DPP10: variants seen among roughly 807,000 people sequenced by gnomAD.
DPP10 encodes dipeptidyl peptidase like 10.
A neutral mutation model predicts 120.9 loss-of-function variants in DPP10; 33 were observed. The ratio of observed to expected loss-of-function variants is 0.27; its 90% CI spans 0.21 to 0.37. The LOEUF (loss-of-function observed/expected upper bound fraction) is 0.37. Among genes scored for constraint, DPP10 ranks in the 10% least tolerant of loss-of-function variants. The pLI is 1.00. For missense variants in DPP10, 816 were observed against 942.8 expected (o/e 0.87, Z 1.76); for synonymous variants, 337 against 326.1 (o/e 1.03, Z -0.36).
chr2:115,502,574 C>A (rs1044425231), intron 4 of DPP10, among the ~76,000 whole-genome samples: 6 of 152,278 alleles, frequency 3.9e-5, no homozygotes, highest in African/African-American at 1.4e-4. Flanking sequence ...GTGACCACGG[C>A]TGAAAATACC....
chr2:115,578,206 T>TG (rs1407235692), intron 5 of DPP10, among the ~76,000 whole-genome samples: 1 of 152,164 alleles, frequency 6.6e-6, no homozygotes, highest in Non-Finnish European at 1.5e-5. Flanking sequence ...ACCTTTGACA[T>TG]GAAATACTCT....
intron 1 of DPP10, among the ~76,000 whole-genome samples, chr2:114,645,609 C>T (rs934604547): frequency 6.6e-6 from 1 of 152,090 alleles, no homozygotes; most frequent in African/African-American, 2.4e-5. Context: ...CCTTTTGTTT[C>T]TGAGTGTAGT....
chr2:114,800,857 C>T (rs1287852507), intron 1 of DPP10, among the ~76,000 whole-genome samples: 1 of 151,380 alleles, frequency 6.6e-6, no homozygotes, highest in East Asian at 1.9e-4. Flanking sequence ...TCCTCAGTGA[C>T]AACCAAGGAA....
intron 1 of DPP10, among the ~76,000 whole-genome samples, chr2:114,450,620 C>T (rs17048357): frequency 0.028 from 4,272 of 151,906 alleles, 91 homozygotes; most frequent in East Asian, 0.067. Flanking sequence ...CAGAACTAAA[C>T]CTGTTACTTT....
intron 3 of DPP10, among the ~76,000 whole-genome samples, chr2:115,418,820 G>A (rs843387): frequency 0.031 from 4,690 of 151,942 alleles, 240 homozygotes; most frequent in African/African-American, 0.11. Context: ...AAACTAAAAA[G>A]CATAAACAAT....
intron 1 of DPP10, among the ~76,000 whole-genome samples, chr2:114,900,981 T>C (rs1284865498): frequency 1.3e-5 from 2 of 152,200 alleles, no homozygotes; most frequent in East Asian, 3.8e-4. Flanking sequence ...AGGATCTAGT[T>C]TGAGGCACTA....
At chr2:114,450,267 G>A (rs1678186939) in intron 1 of DPP10, among the ~76,000 whole-genome samples, 3 of 152,080 alleles carry the variant, frequency 2.0e-5, no homozygotes, top group African/African-American at 7.2e-5. Context: ...TTTTCTCAGT[G>A]AGAATTTTCT....
chr2:114,716,977 A>G (rs1259965486), intron 1 of DPP10, among the ~76,000 whole-genome samples: 3 of 152,134 alleles, frequency 2.0e-5, no homozygotes, highest in South Asian at 2.1e-4. Flanking sequence ...AAGAAACAAA[A>G]CTGCCACTTG....
chr2:114,597,835 AC>A (rs1452630371), intron 1 of DPP10, among the ~76,000 whole-genome samples: 1 of 151,922 alleles, frequency 6.6e-6, no homozygotes, highest in African/African-American at 2.4e-5. Flanking sequence ...CCTAGTTGCT[AC>A]CAGTGTCACA....
intron 1 of DPP10, among the ~76,000 whole-genome samples, chr2:114,563,006 A>G (rs547707914): frequency 6.6e-6 from 1 of 152,368 alleles, no homozygotes; most frequent in East Asian, 1.9e-4. Context: ...TACAGGGCTT[A>G]TTAAGAACAA....
At chr2:114,549,067 G>C (rs1444628985) in intron 1 of DPP10, among the ~76,000 whole-genome samples, 1 of 152,160 alleles carries the variant, frequency 6.6e-6, no homozygotes, top group Non-Finnish European at 1.5e-5. Context: ...GCATTAGCAG[G>C]GGATGGCGAA....
At position 115,003,346 on chromosome 2, in the gene DPP10, G is replaced by T. The variant is rs556736406; in HGVS notation, c.61-305893G>T. Among the ~76,000 whole-genome samples, 149 of 152,088 alleles carry T rather than the reference G, an allele frequency of 9.8e-4. 1 individual carries two copies. In the Middle Eastern group the frequency reaches 0.02, roughly 21 times the overall value. On this transcript the variant is annotated intron_variant, in intron 1 of 25. Coordinates refer to ENST00000410059, the MANE Select transcript of DPP10 (RefSeq NM_020868.6). ...TGGACACAAAGAGGGGAACAAAAGA[G>T]TCTGGGGCCTACTTGCGGGTGAAGG... is the stretch of plus-strand genomic sequence containing the variant.
intron 1 of DPP10, among the ~76,000 whole-genome samples, chr2:114,693,839 C>T (rs746226414): frequency 4.5e-4 from 68 of 151,976 alleles, no homozygotes; most frequent in South Asian, 1.5e-3. Flanking sequence ...AGTCTTCAAG[C>T]TCTGAGATTC....
At chr2:115,716,923 T>G (rs1348214727) in intron 7 of DPP10, among the ~76,000 whole-genome samples, 1 of 152,222 alleles carries the variant, frequency 6.6e-6, no homozygotes, top group Admixed American at 6.5e-5. Flanking sequence ...GATAAGCATA[T>G]GAGAATTTCT....
chr2:115,001,037 A>T (rs889017300), intron 1 of DPP10, among the ~76,000 whole-genome samples: 1 of 152,218 alleles, frequency 6.6e-6, no homozygotes, highest in African/African-American at 2.4e-5. Flanking sequence ...AAAATGTAGA[A>T]CCTATCAAAT....
At chr2:115,255,547 CT>C (rs1265426562) in intron 1 of DPP10, among the ~76,000 whole-genome samples, 1 of 152,154 alleles carries the variant, frequency 6.6e-6, no homozygotes, top group Non-Finnish European at 1.5e-5. Context: ...ATGGGGTTTT[CT>C]TTTCTATCAT....
intron 1 of DPP10, among the ~76,000 whole-genome samples, chr2:115,128,472 C>T (rs1573715411): frequency 6.6e-6 from 1 of 152,130 alleles, no homozygotes; most frequent in African/African-American, 2.4e-5. Flanking sequence ...CCTCATAATT[C>T]CTCTGAGGAG....
At chr2:115,735,672 C>T (rs1037938177) in intron 8 of DPP10, among the ~76,000 whole-genome samples, 1 of 149,516 alleles carries the variant, frequency 6.7e-6, no homozygotes, top group Admixed American at 6.8e-5. Context: ...AGGTGCCCAC[C>T]ACGCCCAGCT....
chr2:115,376,562 T>A (rs1229833798), intron 3 of DPP10, among the ~76,000 whole-genome samples: 1 of 151,602 alleles, frequency 6.6e-6, no homozygotes, highest in Non-Finnish European at 1.5e-5. Flanking sequence ...TTATTTATTA[T>A]TATTATACTT....
Sources: allele counts gnomAD v4.1 joint callset (sites outside exome capture counted in the v4.1 genomes callset), GRCh38; gene constraint gnomAD v4.1.1; transcripts MANE v1.5; gene names NCBI Gene and HGNC (gene_info 2026-07-23, HGNC 2026-07-21).